The following MLLT3 variants were observed in gnomAD, a reference collection of about 807,000 sequenced individuals.
MLLT3 encodes the protein protein AF-9.
MLLT3 carries 4 observed loss-of-function variants against 53.2 expected under a neutral mutation model. The observed-to-expected ratio is 0.08, with a 90% confidence interval of 0.04 to 0.17. The LOEUF is 0.17. Ranked by LOEUF, MLLT3 falls within the 10% of genes least tolerant of loss-of-function variation. MLLT3 has a pLI of 1.00. For synonymous variants in MLLT3, 283 were observed against 230.6 expected, an observed-to-expected ratio of 1.23 and a Z score of -2.06; for missense variants, 569 against 684.0, an observed-to-expected ratio of 0.83 and a Z score of 1.87.
At chr9:20,584,777 T>G (rs183194151) in intron 2 of MLLT3, among the ~76,000 whole-genome samples, 1 of 152,302 alleles carries the variant, frequency 6.6e-6, no homozygotes, top group African/African-American at 2.4e-5. Flanking sequence ...AAGTTGAGAT[T>G]TGGGTGGGGG....
chr9:20,528,231 T>A (rs1488361633), intron 2 of MLLT3, among the ~76,000 whole-genome samples: 1 of 152,262 alleles, frequency 6.6e-6, no homozygotes, highest in Non-Finnish European at 1.5e-5. Context: ...GGTGTGTGTA[T>A]AAATATATCC....
Position 20,363,415 on chromosome 9 carries a change from C to A in MLLT3, c.1331+61G>T. On this transcript the variant is annotated intron_variant, in intron 7 of 10. Coordinates refer to ENST00000380338, the MANE Select transcript of MLLT3 (RefSeq NM_004529.4). ...CACACCTTTGCTGTGATTATCCCAG[C>A]AGGGCTTGTGAAAGAGTCTGACTTC... 5 of 1,596,278 alleles carry A rather than the reference C, an allele frequency of 3.1e-6. No homozygotes were observed. In the Admixed American group the frequency reaches 8.5e-5, roughly 27 times the overall value.
intron 4 of MLLT3, among the ~76,000 whole-genome samples, chr9:20,414,911 A>T (rs967120062): frequency 2.0e-5 from 3 of 152,212 alleles, no homozygotes; most frequent in Admixed American, 2.0e-4. Context: ...GGTAGTTACT[A>T]GAATGAAAAG....
At chr9:20,381,811 C>T (rs1821914843) in intron 5 of MLLT3, among the ~76,000 whole-genome samples, 1 of 151,602 alleles carries the variant, frequency 6.6e-6, no homozygotes, top group South Asian at 2.1e-4. Flanking sequence ...GAACGACTTT[C>T]AATGTATGAT....
At chr9:20,612,304 T>C (rs1349258326) in intron 2 of MLLT3, among the ~76,000 whole-genome samples, 1 of 152,148 alleles carries the variant, frequency 6.6e-6, no homozygotes, top group Non-Finnish European at 1.5e-5. Context: ...TTTCCAGCTC[T>C]AAAAAGACAC....
At position 20,588,333 on chromosome 9, in the gene MLLT3, T is replaced by G. The variant is rs1466710790; in HGVS notation, c.193+32321A>C. 2.0e-5 allele frequency among the ~76,000 whole-genome samples: 3 copies of G among 150,864 alleles called. No homozygotes were observed. The East Asian group carries it at 5.9e-4, about 30-fold the overall frequency. On this transcript the variant is annotated intron_variant, in intron 2 of 10. Coordinates refer to ENST00000380338, the MANE Select transcript of MLLT3 (RefSeq NM_004529.4). ...TTGACTTGGCGATGCGGGCTCTTTT[T>G]TGGTTCCATATGAACTTTAAAGTAG...
intron 8 of MLLT3, among the ~76,000 whole-genome samples, chr9:20,360,003 G>A (rs1343040934): frequency 6.6e-6 from 1 of 152,136 alleles, no homozygotes; most frequent in Non-Finnish European, 1.5e-5. Context: ...CTTTATCATA[G>A]CCTTCAAAGT....
chr9:20,388,137 AAAGG>A (rs1822087343), intron 5 of MLLT3, among the ~76,000 whole-genome samples: 1 of 152,216 alleles, frequency 6.6e-6, no homozygotes, highest in African/African-American at 2.4e-5. Flanking sequence ...CTCAAAACAA[AAAGG>A]AAGATCAAGT....
intron 2 of MLLT3, among the ~76,000 whole-genome samples, chr9:20,595,194 C>CA (rs1206696610): frequency 6.6e-6 from 1 of 151,832 alleles, no homozygotes; most frequent in Admixed American, 6.6e-5. Flanking sequence ...TCCATCTCTA[C>CA]AAAAAGAAGA....
rs554645255 is a variant in MLLT3, at chr9:20,344,240, A to G, written c.*2203T>C. ...AAGGAAAAAATTTTTACATTGGCAAATCATATTTTTTGCCCCACAATTTAG... is the reference window on the plus strand; with the variant it reads ...AAGGAAAAAATTTTTACATTGGCAAGTCATATTTTTTGCCCCACAATTTAG... On this transcript the variant is annotated 3_prime_UTR_variant, in exon 11 of 11. Transcript: ENST00000380338. 4 of 198,180 alleles carry G rather than the reference A, an allele frequency of 2.0e-5. No individual in the cohort carries two copies. The highest frequency in any genetic ancestry group is 1.9e-4 in the South Asian group (1 of 5,218). 12.3% of individuals were successfully genotyped at this position (198,180 alleles called of 1,614,324 possible). A position where few individuals can be genotyped will look rare whatever the true frequency, so the allele number is the denominator to read the frequency against.
intron 2 of MLLT3, among the ~76,000 whole-genome samples, chr9:20,526,461 T>A (rs1818206334): frequency 6.6e-6 from 1 of 152,204 alleles, no homozygotes; most frequent in Non-Finnish European, 1.5e-5. Flanking sequence ...CTTATGTGTA[T>A]GGCTTATGCA....
rs963444619 is a variant in MLLT3, at chr9:20,458,481, G to A, written c.194-1695C>T. On this transcript the variant is annotated intron_variant, in intron 2 of 10. Coordinates refer to ENST00000380338, the MANE Select transcript of MLLT3 (RefSeq NM_004529.4). Reference sequence around the variant, plus strand: ...GAAGACTAAACAAGGTGACCGTTACGAACTGAATGTTTGTATTCCCCTAAA... The same window carrying A: ...GAAGACTAAACAAGGTGACCGTTACAAACTGAATGTTTGTATTCCCCTAAA... 3.3e-5 allele frequency among the ~76,000 whole-genome samples: 5 copies of A among 152,220 alleles called. No homozygotes were observed. The South Asian group carries it at 6.2e-4, about 19-fold the overall frequency.
rs866503417 is a variant in MLLT3 at position 20,343,635 on chromosome 9, T to G, written c.*2808A>C. ...TATATTTTTTCCCCTGGCTGATCAC[T>G]GAGGAAAAATTTTTTAAAAGTTTAT... On this transcript the variant is annotated 3_prime_UTR_variant, in exon 11 of 11. Coordinates refer to ENST00000380338, the MANE Select transcript of MLLT3 (RefSeq NM_004529.4). 1 of 227,888 alleles carries G rather than the reference T, an allele frequency of 4.4e-6. No individual in the cohort carries two copies. Among genetic ancestry groups the G allele is most frequent in the Non-Finnish European group, 8.7e-6 (1 of 114,738 alleles). 14.1% of individuals were successfully genotyped at this position (227,888 alleles called of 1,614,324 possible). A position where few individuals can be genotyped will look rare whatever the true frequency, so the allele number is the denominator to read the frequency against.
chr9:20,538,073 C>G (rs1429380957), intron 2 of MLLT3, among the ~76,000 whole-genome samples: 5 of 152,092 alleles, frequency 3.3e-5, no homozygotes, highest in Admixed American at 6.6e-5. Context: ...TGTTAGAATT[C>G]TTATGGAAAA....
At chr9:20,622,040 T>A (rs1821031664) in intron 1 of MLLT3, 1 of 377,524 alleles carries the variant, frequency 2.6e-6, no homozygotes, top group African/African-American at 3.1e-5. Context: ...TGAGTGTGTG[T>A]GTGTCTGTGT....
chr9:20,380,485 A>C (rs541004697), intron 5 of MLLT3, among the ~76,000 whole-genome samples: 183 of 152,172 alleles, frequency 1.2e-3, no homozygotes, highest in African/African-American at 4.1e-3. Flanking sequence ...AACAGGAGCA[A>C]TTCCTACTTG....
At chr9:20,420,341 T>C (rs1339629371) in intron 4 of MLLT3, among the ~76,000 whole-genome samples, 2 of 152,108 alleles carry the variant, frequency 1.3e-5, no homozygotes, top group Admixed American at 1.3e-4. Flanking sequence ...AAAGATCAGA[T>C]AAAGGCTGTT....
intron 4 of MLLT3, among the ~76,000 whole-genome samples, chr9:20,431,618 T>C (rs1486500525): frequency 6.6e-6 from 1 of 152,080 alleles, no homozygotes; most frequent in Non-Finnish European, 1.5e-5. Context: ...TTTCTTACTA[T>C]GGGTCACGGT....
At chr9:20,350,594 C>CAAAACAAA (rs1554674292) in intron 10 of MLLT3, among the ~76,000 whole-genome samples, 2 of 124,028 alleles carry the variant, frequency 1.6e-5, no homozygotes, top group African/African-American at 8.5e-5. Flanking sequence ...GACTCCGTCT[C>CAAAACAAA]AAAAAAAGAA....
Sources: gnomAD v4.1 joint callset for allele counts (sites outside exome capture counted in the v4.1 genomes callset) on GRCh38, gnomAD v4.1.1 for gene constraint, MANE v1.5 for transcripts, NCBI Gene and HGNC (gene_info 2026-07-23, HGNC 2026-07-21) for gene names.